SRD5A1: variants seen among roughly 807,000 people sequenced by gnomAD.
SRD5A1 encodes steroid 5 alpha-reductase 1, also known as 3-oxo-5-alpha-steroid 4-dehydrogenase 1.
A neutral mutation model predicts 28.2 loss-of-function variants in SRD5A1; 22 were observed. The observed-to-expected ratio is 0.78, with a 90% CI of 0.56 to 1.12. SRD5A1 has a LOEUF of 1.12. SRD5A1 is among the 50% of genes most tolerant of loss of function. The pLI is 0.00. For missense variants in SRD5A1, 300 were observed against 346.7 expected (o/e 0.87, Z 1.07); for synonymous variants, 151 against 135.0 (o/e 1.12, Z -0.82).
Position 6,669,347 on chromosome 5 carries a change from T to G in SRD5A1, c.*1079T>G, listed in dbSNP as rs891802761. 1.3e-5 allele frequency: 2 copies of G among 152,248 alleles called. No individual in the cohort carries two copies. Among genetic ancestry groups the G allele is most frequent in the Non-Finnish European group, 2.9e-5 (2 of 68,048 alleles). The allele number at this position is 152,248 out of a possible 1,614,324, so 9.4% of individuals were successfully genotyped here. A position where few individuals can be genotyped will look rare whatever the true frequency, so the allele number is the denominator to read the frequency against. The stretch of plus-strand genomic sequence containing the variant: ...TTTGCTGTTGTTGCTTTGCAAAGCT[T>G]TCCCCTCATAGCCTGTACCTGTTAT... On this transcript the variant is annotated 3_prime_UTR_variant, in exon 5 of 5. Coordinates refer to ENST00000274192, the MANE Select transcript of SRD5A1 (RefSeq NM_001047.4).
At chr5:6,656,697 A>G (rs1738845169) in intron 3 of SRD5A1, among the ~76,000 whole-genome samples, 1 of 152,168 alleles carries the variant, frequency 6.6e-6, no homozygotes, top group African/African-American at 2.4e-5. Context: ...GATTCGCACT[A>G]CTTGTATAGT....
At chr5:6,662,779 T>C (rs1447526141) in intron 3 of SRD5A1, 37 bp from the exon 4 acceptor site, 2 of 1,596,696 alleles carry the variant, frequency 1.3e-6, no homozygotes, top group Admixed American at 1.7e-5. Flanking sequence ...TTTCATTTTG[T>C]AGTAAATGCA....
intron 1 of SRD5A1, among the ~76,000 whole-genome samples, chr5:6,634,769 C>T (rs1252567701): frequency 6.6e-6 from 1 of 152,232 alleles, no homozygotes; most frequent in Non-Finnish European, 1.5e-5. Flanking sequence ...TGAAAACTGG[C>T]TGTGTCTGAA....
At chr5:6,651,678 C>A (rs1008679620) in intron 1 of SRD5A1, among the ~76,000 whole-genome samples, 164 bp from the exon 2 acceptor site, 1 of 152,110 alleles carries the variant, frequency 6.6e-6, no homozygotes, top group Non-Finnish European at 1.5e-5. Context: ...AAATTAAAAT[C>A]AAAATCCACT....
rs890630544 is a variant in SRD5A1 at position 6,673,226 on chromosome 5, C to T, written c.*4958C>T. 2.6e-5 allele frequency: 4 copies of T among 152,200 alleles called. No individual in the cohort carries two copies. The highest frequency in any genetic ancestry group is 1.9e-4 in the East Asian group (1 of 5,198). The allele number at this position is 152,200 out of a possible 1,614,324, so 9.4% of individuals were successfully genotyped here. On this transcript the variant is annotated 3_prime_UTR_variant, in exon 5 of 5. Coordinates refer to ENST00000274192, the MANE Select transcript of SRD5A1 (RefSeq NM_001047.4). Reference sequence around the variant, plus strand: ...AATGTTGGCGCAATCAGTCTAGAAACATATTTCTCCCATAACAATAAGCCA... The same window carrying T: ...AATGTTGGCGCAATCAGTCTAGAAATATATTTCTCCCATAACAATAAGCCA...
At position 6,666,189 on chromosome 5, in the gene SRD5A1, C is replaced by T. The variant is rs1405306542; in HGVS notation, c.714-2013C>T. Among the ~76,000 whole-genome samples, 7 of 152,038 alleles carry T rather than the reference C, an allele frequency of 4.6e-5. No individual in the cohort carries two copies. The East Asian group carries it at 1.3e-3, about 29-fold the overall frequency. ...TTTTGAGACAGTCTCGCTCTGTCGC[C>T]CAGGCTGGAGTGCAGTGGCGCGATC... On this transcript the variant is annotated intron_variant, in intron 4 of 4. Transcript: ENST00000274192.
intron 1 of SRD5A1, among the ~76,000 whole-genome samples, chr5:6,650,630 C>T (rs181210919): frequency 2.0e-5 from 3 of 151,434 alleles, no homozygotes; most frequent in East Asian, 1.9e-4. Context: ...TACAACAGAA[C>T]GTGATCTTTC....
intron 4 of SRD5A1, among the ~76,000 whole-genome samples, chr5:6,667,566 T>C (rs575445016): frequency 1.3e-5 from 2 of 152,368 alleles, no homozygotes; most frequent in East Asian, 3.9e-4. Context: ...TCCATGCACT[T>C]AGTTGCCACC....
intron 4 of SRD5A1, among the ~76,000 whole-genome samples, chr5:6,666,768 C>T (rs1292367331): frequency 6.6e-6 from 1 of 152,196 alleles, no homozygotes; most frequent in Non-Finnish European, 1.5e-5. Flanking sequence ...TTTCTGATGT[C>T]ACGGAGCCCA....
intron 3 of SRD5A1, 28 bp from the exon 4 acceptor site, chr5:6,662,788 C>T: frequency 6.2e-7 from 1 of 1,601,684 alleles, no homozygotes; most frequent in Non-Finnish European, 8.5e-7. Flanking sequence ...GTAGTAAATG[C>T]ACTACTTTGG....
At chr5:6,647,174 T>C (rs1032292096) in intron 1 of SRD5A1, among the ~76,000 whole-genome samples, 3 of 152,200 alleles carry the variant, frequency 2.0e-5, no homozygotes, top group African/African-American at 7.2e-5. Flanking sequence ...TTTGCATTTG[T>C]TGAGGAGTGT....
chr5:6,668,187 A>AT lies in SRD5A1; in HGVS notation c.714-6dup, dbSNP rs769243078. On this transcript the variant is annotated splice_polypyrimidine_tract_variant and intron_variant, in intron 4 of 4. Coordinates refer to ENST00000274192, the MANE Select transcript of SRD5A1 (RefSeq NM_001047.4). ...AGCGACAGAATTATTTCCTTTTTTA[A>AT]TTTTTTTTTCTTAGGTGGTACCTCC... The AT allele has an allele frequency of 6.8e-4, 1,009 of 1,479,304 alleles. No individual in the cohort carries two copies. Among genetic ancestry groups the AT allele is most frequent in the Admixed American group, 8.6e-4 (41 of 47,586 alleles). 91.6% of individuals were successfully genotyped at this position (1,479,304 alleles called of 1,614,324 possible).
rs915221198 is a variant in SRD5A1, at chr5:6,634,523, A to G, written c.293+654A>G. 3.9e-5 allele frequency among the ~76,000 whole-genome samples: 6 copies of G among 152,178 alleles called. No individual in the cohort carries two copies. The East Asian group carries it at 1.2e-3, about 29-fold the overall frequency. On this transcript the variant is annotated intron_variant, in intron 1 of 4. Transcript: ENST00000274192. ...GGTTCCCCTTTTGGTATCTTTGGTG[A>G]TGGTGGAGCTGTTTTCTCCCAGCCA...
intron 1 of SRD5A1, among the ~76,000 whole-genome samples, chr5:6,646,715 T>C (rs918327849): frequency 2.6e-5 from 4 of 152,056 alleles, no homozygotes; most frequent in African/African-American, 9.7e-5. Context: ...GTTGATCTTT[T>C]CAAAAAACCA....
chr5:6,652,987 A>G (rs895625263), intron 2 of SRD5A1, among the ~76,000 whole-genome samples: 7 of 152,164 alleles, frequency 4.6e-5, no homozygotes, highest in Admixed American at 2.6e-4. Flanking sequence ...TGTTGCTTAC[A>G]ATGGTAGCAT....
chr5:6,633,808 C>T lies in SRD5A1; in HGVS notation c.232C>T (p.Arg78Cys). The change falls in exon 1 of 5, where the codon CGT (arginine) becomes TGT (cysteine). Residue 78 changes from arginine to cysteine, a missense_variant. By Grantham distance (180) the Arg-to-Cys change is radical. Transcript: ENST00000274192. The stretch of plus-strand genomic sequence containing the variant: ...CCAGTACGCCAGCGAGTCCGCCCCG[C>T]GTCTCCGCAGCGCGCCCAACTGCAT... ...LYQYASESAP[R>C]LRSAPNCILL... The T allele has an allele frequency of 3.1e-6, 5 of 1,597,918 alleles. No individual in the cohort carries two copies. The highest frequency in any genetic ancestry group is 4.2e-6 in the Non-Finnish European group (5 of 1,179,654).
At chr5:6,657,581 G>T (rs1347369643) in intron 3 of SRD5A1, among the ~76,000 whole-genome samples, 1 of 152,254 alleles carries the variant, frequency 6.6e-6, no homozygotes, top group Non-Finnish European at 1.5e-5. Flanking sequence ...CCATGAGCCA[G>T]ACTAAGAAGG....
chr5:6,656,320 A>G (rs1396527306), intron 3 of SRD5A1, 141 bp downstream of exon 3: 9 of 691,012 alleles, frequency 1.3e-5, no homozygotes, highest in Non-Finnish European at 2.3e-5. Context: ...ATTAATAACA[A>G]GTGCTATTGT....
At chr5:6,650,634 ATCTT>A (rs1481528060) in intron 1 of SRD5A1, among the ~76,000 whole-genome samples, 1 of 150,414 alleles carries the variant, frequency 6.6e-6, no homozygotes, top group Admixed American at 6.6e-5. Context: ...ACAGAACGTG[ATCTT>A]TCTTTTTTTT....
Sources: allele counts gnomAD v4.1 joint callset (sites outside exome capture counted in the v4.1 genomes callset), GRCh38; gene constraint gnomAD v4.1.1; transcripts MANE v1.5; gene names NCBI Gene and HGNC (gene_info 2026-07-23, HGNC 2026-07-21).